The following REEP5 variants were observed in gnomAD, a reference collection of about 807,000 sequenced individuals.
REEP5 encodes the protein receptor accessory protein 5, also known as receptor expression-enhancing protein 5.
REEP5 carries 24 observed loss-of-function variants against 22.4 expected under a neutral mutation model. That is an observed-to-expected ratio of 1.07 (90% CI 0.78 to 1.51). The LOEUF (loss-of-function observed/expected upper bound fraction) is 1.51, where lower values mean the gene tolerates loss of function less well. REEP5 is among the 40% of genes most tolerant of loss of function. The pLI is 0.00. For missense variants in REEP5, 252 were observed against 233.0 expected (o/e 1.08, Z -0.53); for synonymous variants, 103 against 88.6 (o/e 1.16, Z -0.92).
chr5:112,901,208 C>A (rs553066652), intron 3 of REEP5, among the ~76,000 whole-genome samples: 2 of 152,240 alleles, frequency 1.3e-5, no homozygotes, highest in Admixed American at 1.3e-4. Context: ...AATATTAGAA[C>A]TGCTGACCAA....
At chr5:112,891,000 T>C (rs1015357381) in intron 3 of REEP5, among the ~76,000 whole-genome samples, 1 of 150,830 alleles carries the variant, frequency 6.6e-6, no homozygotes, top group Non-Finnish European at 1.5e-5. Flanking sequence ...GAAACATTAC[T>C]AACAGGAGAA....
In REEP5 at chr5:112,876,641, C is replaced by T. The variant is rs2150031121; in HGVS notation, c.*2145G>A. On this transcript the variant is annotated 3_prime_UTR_variant, in exon 5 of 5. Coordinates refer to ENST00000379638, the MANE Select transcript of REEP5 (RefSeq NM_005669.5). ...AACTACATACCTTTGAAACACTATT[C>T]ACATTCAAATAAACGCTTGTTTTCT... 1 of 152,314 alleles carries T rather than the reference C, an allele frequency of 6.6e-6. No homozygotes were observed. Among genetic ancestry groups the T allele is most frequent in the Non-Finnish European group, 1.5e-5 (1 of 68,024 alleles). The allele number at this position is 152,314 out of a possible 1,614,324, so 9.4% of individuals were successfully genotyped here.
chr5:112,920,676 C>T (rs1769335195), intron 2 of REEP5, among the ~76,000 whole-genome samples: 1 of 152,060 alleles, frequency 6.6e-6, no homozygotes, highest in African/African-American at 2.4e-5. Context: ...TTGTCTGTAA[C>T]ATGTGGCTTT....
chr5:112,922,220 T>A lies in REEP5; in HGVS notation c.-30A>T. The A allele has an allele frequency of 6.3e-7, 1 of 1,590,482 alleles. No homozygotes were observed. Among genetic ancestry groups the A allele is most frequent in the Non-Finnish European group, 8.6e-7 (1 of 1,168,896 alleles). ...GGGACCGTCTCGCCGCTCGGGGCTG[T>A]TCCTAGTGCCGGATAGACTGGAGCG... On this transcript the variant is annotated 5_prime_UTR_variant, in exon 1 of 5. Coordinates refer to ENST00000379638, the MANE Select transcript of REEP5 (RefSeq NM_005669.5).
At chr5:112,882,722 AGACAT>A (rs1768118628) in intron 4 of REEP5, among the ~76,000 whole-genome samples, 1 of 152,222 alleles carries the variant, frequency 6.6e-6, no homozygotes. Flanking sequence ...GCTGCAACAG[AGACAT>A]GATAGCCCAC....
At chr5:112,921,997 C>A in intron 1 of REEP5, 76 bp downstream of exon 1, 2 of 1,518,012 alleles carry the variant, frequency 1.3e-6, no homozygotes, top group Admixed American at 2.0e-5. Flanking sequence ...AGTCCTCTCC[C>A]TGCTTCCTTC....
intron 2 of REEP5, among the ~76,000 whole-genome samples, chr5:112,903,693 A>C (rs1401349330): frequency 1.3e-5 from 2 of 152,240 alleles, no homozygotes; most frequent in Non-Finnish European, 2.9e-5. Flanking sequence ...GCCCTTGTAC[A>C]GTTAATTAGA....
chr5:112,919,134 A>ATCCC, intron 2 of REEP5, among the ~76,000 whole-genome samples: 1 of 152,354 alleles, frequency 6.6e-6, no homozygotes, highest in African/African-American at 2.4e-5. Flanking sequence ...GGTATGGAGA[A>ATCCC]TAGTTAAAAT....
chr5:112,913,893 A>G (rs540278867), intron 2 of REEP5, among the ~76,000 whole-genome samples: 13 of 149,878 alleles, frequency 8.7e-5, no homozygotes, highest in African/African-American at 2.5e-4. Context: ...CTAACATTTT[A>G]TAACTCAAAA....
chr5:112,913,121 T>C (rs1341433863), intron 2 of REEP5, among the ~76,000 whole-genome samples: 1 of 152,108 alleles, frequency 6.6e-6, no homozygotes, highest in African/African-American at 2.4e-5. Flanking sequence ...CTGGCCAACA[T>C]GGTGAAACCC....
At position 112,878,669 on chromosome 5, in the gene REEP5, A is replaced by ATCTC. The variant is rs1648011576; in HGVS notation, c.*113_*116dup. The stretch of plus-strand genomic sequence containing the variant: ...CTTACAACACATTCCAATCTTTAAT[A>ATCTC]TCTCAAAAATGTTTCCAAGGCAACA... On this transcript the variant is annotated 3_prime_UTR_variant, in exon 5 of 5. Transcript: ENST00000379638. 3 of 1,410,818 alleles carry ATCTC rather than the reference A, an allele frequency of 2.1e-6. No individual in the cohort carries two copies. Among genetic ancestry groups the ATCTC allele is most frequent in the Non-Finnish European group, 2.9e-6 (3 of 1,032,604 alleles). The allele number at this position is 1,410,818 out of a possible 1,614,324, so 87.4% of individuals were successfully genotyped here.
At chr5:112,921,382 AG>A (rs1769361734) in intron 1 of REEP5, 126 bp from the exon 2 acceptor site, 2 of 882,970 alleles carry the variant, frequency 2.3e-6, no homozygotes, top group Admixed American at 2.1e-5. Flanking sequence ...TAAAGGAGCG[AG>A]AAAAACAAAC....
intron 3 of REEP5, chr5:112,895,468 G>A (rs1005112532): frequency 7.1e-6 from 1 of 140,618 alleles, no homozygotes; most frequent in Non-Finnish European, 1.5e-5. Context: ...CAGCAATCCA[G>A]ACAAGCTTAT....
chr5:112,921,115 G>C (rs756752104), intron 2 of REEP5, 48 bp downstream of exon 2: 7 of 1,563,380 alleles, frequency 4.5e-6, no homozygotes, highest in African/African-American at 4.1e-5. Flanking sequence ...AGCCCTGCGG[G>C]GAGGAATGGA....
At chr5:112,920,011 C>T (rs545459853) in intron 2 of REEP5, among the ~76,000 whole-genome samples, 2 of 152,292 alleles carry the variant, frequency 1.3e-5, no homozygotes, top group East Asian at 3.9e-4. Context: ...TATTTGCTCA[C>T]GGGGGTCTGT....
chr5:112,901,777 A>T (rs973628213), intron 3 of REEP5, among the ~76,000 whole-genome samples: 16 of 151,686 alleles, frequency 1.1e-4, no homozygotes, highest in African/African-American at 2.4e-4. Context: ...ATAGATTTTT[A>T]AAAAAACCAA....
At chr5:112,905,652 G>C (rs1768941450) in intron 2 of REEP5, among the ~76,000 whole-genome samples, 1 of 150,992 alleles carries the variant, frequency 6.6e-6, no homozygotes, top group Non-Finnish European at 1.5e-5. Context: ...ACAGGGTCTT[G>C]CTCTGTCACC....
At chr5:112,919,488 G>A (rs1442345708) in intron 2 of REEP5, among the ~76,000 whole-genome samples, 2 of 152,054 alleles carry the variant, frequency 1.3e-5, no homozygotes, top group South Asian at 2.1e-4. Context: ...GGGTGGGGGC[G>A]GCCAGGGATG....
chr5:112,908,086 C>CTTTGTTTTTTTTTTTTTTTTTTTTTTT (rs1561657600), intron 2 of REEP5, among the ~76,000 whole-genome samples: 1 of 76,766 alleles, frequency 1.3e-5, no homozygotes, highest in Non-Finnish European at 2.6e-5. Flanking sequence ...GCATCAGAGA[C>CTTTGTTTTTTTTTTTTTTTTTTTTTTT]TTTCTTTGTT....
Sources: allele counts gnomAD v4.1 joint callset (sites outside exome capture counted in the v4.1 genomes callset), GRCh38; gene constraint gnomAD v4.1.1; transcripts MANE v1.5; gene names NCBI Gene and HGNC (gene_info 2026-07-23, HGNC 2026-07-21).